BNC2: variants seen among roughly 807,000 people sequenced by gnomAD.
BNC2 encodes basonuclin zinc finger protein 2.
A neutral mutation model predicts 76.3 loss-of-function variants in BNC2; 20 were observed. The observed-to-expected ratio is 0.26, with a 90% CI of 0.18 to 0.38. The LOEUF (loss-of-function observed/expected upper bound fraction) is 0.38, where lower values mean the gene tolerates loss of function less well. Among genes scored for constraint, BNC2 ranks in the 10% least tolerant of loss-of-function variants. The pLI, the probability that BNC2 is intolerant of heterozygous loss-of-function variation, is 1.00. For missense variants in BNC2, 1,382 were observed against 1,399.8 expected (o/e 0.99, Z 0.20); for synonymous variants, 582 against 514.8 (o/e 1.13, Z -1.77).
intron 5 of BNC2, among the ~76,000 whole-genome samples, chr9:16,536,414 A>C (rs1046146754): frequency 5.3e-5 from 8 of 152,204 alleles, no homozygotes; most frequent in Admixed American, 5.2e-4. Context: ...GAAGGTCTCA[A>C]AAGTCAATCA....
intron 1 of BNC2, among the ~76,000 whole-genome samples, chr9:16,756,390 T>A (rs1208244871): frequency 6.6e-6 from 1 of 152,224 alleles, no homozygotes; most frequent in African/African-American, 2.4e-5. Context: ...TCTCTGGATC[T>A]ATCCTCCATT....
At chr9:16,495,428 C>T (rs1160622785) in intron 5 of BNC2, among the ~76,000 whole-genome samples, 1 of 152,228 alleles carries the variant, frequency 6.6e-6, no homozygotes, top group Non-Finnish European at 1.5e-5. Flanking sequence ...TACTCAAAAG[C>T]ACCAGCATTG....
At chr9:16,824,874 G>A (rs538574109) in intron 1 of BNC2, among the ~76,000 whole-genome samples, 1 of 152,226 alleles carries the variant, frequency 6.6e-6, no homozygotes, top group South Asian at 2.1e-4. Context: ...TCTACTTCCT[G>A]TGCATAGATT....
intron 3 of BNC2, among the ~76,000 whole-genome samples, chr9:16,697,720 C>CAAA (rs749976080): frequency 9.3e-6 from 1 of 107,550 alleles, no homozygotes; most frequent in African/African-American, 3.5e-5. Context: ...ACTCGATTTC[C>CAAA]AAAAAAAAAA....
chr9:16,565,740 C>T (rs1819147624), intron 4 of BNC2, among the ~76,000 whole-genome samples: 1 of 150,884 alleles, frequency 6.6e-6, no homozygotes, highest in Non-Finnish European at 1.5e-5. Flanking sequence ...CCTGGGAGGT[C>T]GAGGCTGCAG....
At chr9:16,855,655 A>G (rs61132125) in intron 1 of BNC2, among the ~76,000 whole-genome samples, 19,756 of 151,614 alleles carry the variant, frequency 0.13, 2,270 homozygotes, top group East Asian at 0.55. Flanking sequence ...CTCCTGCCTC[A>G]GCCTCCCACG....
At chr9:16,584,685 C>T (rs775476577) in intron 3 of BNC2, among the ~76,000 whole-genome samples, 3 of 152,086 alleles carry the variant, frequency 2.0e-5, no homozygotes, top group Non-Finnish European at 2.9e-5. Flanking sequence ...TAAGGAGAAA[C>T]GTTTCTTCCA....
chr9:16,552,793 G>A (rs1436215063), intron 4 of BNC2, 28 bp from the exon 5 acceptor site: 3 of 1,563,694 alleles, frequency 1.9e-6, no homozygotes, highest in Non-Finnish European at 2.6e-6. Flanking sequence ...AAGTTCCAGA[G>A]ATGGGGGTGT....
chr9:16,562,574 AT>A (rs1298732230), intron 4 of BNC2, among the ~76,000 whole-genome samples: 7 of 152,236 alleles, frequency 4.6e-5, no homozygotes, highest in African/African-American at 1.7e-4. Flanking sequence ...ATCTTAAAAG[AT>A]TTTGAATACC....
chr9:16,682,825 G>A (rs1330241017), intron 3 of BNC2, among the ~76,000 whole-genome samples: 1 of 152,146 alleles, frequency 6.6e-6, no homozygotes. Context: ...TGAGCTAAAT[G>A]TAACAACTTA....
At chr9:16,685,740 G>C (rs1822958582) in intron 3 of BNC2, 1 of 552,616 alleles carries the variant, frequency 1.8e-6, no homozygotes, top group Admixed American at 2.4e-5. Context: ...TCTCTAACAG[G>C]TCATCATGGC....
intron 3 of BNC2, among the ~76,000 whole-genome samples, chr9:16,586,220 A>C (rs538933095): frequency 6.6e-6 from 1 of 152,122 alleles, no homozygotes; most frequent in African/African-American, 2.4e-5. Flanking sequence ...TGGAGGCAGC[A>C]GTGAAGATGA....
At chr9:16,770,929 G>A (rs904359810) in intron 1 of BNC2, among the ~76,000 whole-genome samples, 2 of 152,160 alleles carry the variant, frequency 1.3e-5, no homozygotes, top group African/African-American at 4.8e-5. Flanking sequence ...CCAGCAGTTT[G>A]GGAGTCCGAG....
chr9:16,591,339 C>A (rs571218824), intron 3 of BNC2, among the ~76,000 whole-genome samples: 11 of 152,202 alleles, frequency 7.2e-5, no homozygotes, highest in African/African-American at 2.6e-4. Flanking sequence ...ACCTGTTGTA[C>A]TGAAGAGTTT....
At position 16,419,514 on chromosome 9, in the gene BNC2, G is replaced by C. The variant is rs576728040; in HGVS notation, c.2775C>G (p.His925Gln). 8.7e-6 allele frequency: 14 copies of C among 1,614,020 alleles called. No homozygotes were observed. Among genetic ancestry groups the C allele is most frequent in the Non-Finnish European group, 1.1e-5 (13 of 1,180,036 alleles). The part of the protein sequence containing the change: ...EFLVKIYGAQ[H>Q]PMGLDVREDA... ...CTTCCCTGACATCGAGCCCCATGGG[G>C]TGCTGGGCACCATATATCTTCACCA... The change falls in exon 7 of 7, where the codon CAC (histidine) becomes CAG (glutamine). Residue 925 changes from histidine to glutamine, a missense_variant. His to Gln is a conservative substitution (Grantham distance 24, BLOSUM62 0). Around this residue, in one of 3 missense-constraint regions of BNC2, gnomAD observed 798 missense variants for 775.5 expected, o/e 1.03. Coordinates refer to ENST00000380672, the MANE Select transcript of BNC2 (RefSeq NM_017637.6).
At chr9:16,532,956 A>G (rs1238497828) in intron 5 of BNC2, among the ~76,000 whole-genome samples, 1 of 152,242 alleles carries the variant, frequency 6.6e-6, no homozygotes, top group East Asian at 1.9e-4. Context: ...GTTTTCATTT[A>G]GAAAGCTATT....
intron 3 of BNC2, among the ~76,000 whole-genome samples, chr9:16,723,262 G>A (rs190058832): frequency 3.3e-5 from 5 of 152,252 alleles, no homozygotes; most frequent in Admixed American, 1.3e-4. Context: ...GCCTGGCAAT[G>A]AAAGTCGTTT....
chr9:16,560,323 G>C (rs1008283476), intron 4 of BNC2, among the ~76,000 whole-genome samples: 2 of 152,338 alleles, frequency 1.3e-5, no homozygotes, highest in Non-Finnish European at 2.9e-5. Flanking sequence ...TTAGCAGACT[G>C]TAAGTAAGGA....
At chr9:16,525,436 A>G (rs933857012) in intron 5 of BNC2, among the ~76,000 whole-genome samples, 1 of 152,244 alleles carries the variant, frequency 6.6e-6, no homozygotes, top group African/African-American at 2.4e-5. Context: ...AAATATAGAA[A>G]GAACCTGAAA....
Sources: allele counts gnomAD v4.1 joint callset (sites outside exome capture counted in the v4.1 genomes callset), GRCh38; gene constraint gnomAD v4.1.1; regional missense constraint gnomAD v4.1.1; transcripts MANE v1.5; gene names NCBI Gene and HGNC (gene_info 2026-07-23, HGNC 2026-07-21).